TNC: variants seen among roughly 807,000 people sequenced by gnomAD.
TNC encodes tenascin.
In TNC, 109 loss-of-function variants were observed where a neutral mutation model predicts 202.4. The observed-to-expected ratio is 0.54, with a 90% CI of 0.46 to 0.63. The LOEUF is 0.63. Ranked by LOEUF, TNC falls within the 30% of genes least tolerant of loss-of-function variation. The pLI is 0.00. For synonymous variants in TNC, 1,007 were observed against 1,089.7 expected (o/e 0.92, Z 1.50); for missense variants, 2,756 against 2,833.3 (o/e 0.97, Z 0.62).
intron 1 of TNC, among the ~76,000 whole-genome samples, chr9:115,111,544 G>A (rs908683974): frequency 6.6e-6 from 1 of 151,348 alleles, no homozygotes; most frequent in African/African-American, 2.4e-5. Flanking sequence ...GAGTAGCTGG[G>A]ATTACAGGTG....
At chr9:115,098,938 A>ATTTTTTTTTTTTT (rs35624621) in intron 1 of TNC, among the ~76,000 whole-genome samples, 2 of 127,356 alleles carry the variant, frequency 1.6e-5, no homozygotes, top group Non-Finnish European at 3.2e-5. Context: ...TTAAGTGTGT[A>ATTTTTTTTTTTTT]TTTTTTTTTT....
chr9:115,082,602 GA>G, intron 5 of TNC, 89 bp downstream of exon 5: 1 of 887,326 alleles, frequency 1.1e-6, no homozygotes. Context: ...AAAAACTAAG[GA>G]AAATTAGTTG....
In TNC at chr9:115,086,805, T is replaced by A. The variant is rs1221978956; in HGVS notation, c.926A>T (p.Asp309Val). 1.2e-6 allele frequency: 2 copies of A among 1,614,124 alleles called. No homozygotes were observed. The highest frequency in any genetic ancestry group is 4.5e-5 in the East Asian group (2 of 44,888). Residue 309 changes from aspartate (D) to valine (V), a missense_variant, in exon 3 of 28, where the codon GAC (aspartate) becomes GTC (valine). By Grantham distance (152) the Asp-to-Val change is radical (BLOSUM62 -3). Around this residue, in one of 2 missense-constraint regions of TNC, gnomAD observed 2,559 missense variants for 2,546.0 expected, o/e 1.01. Coordinates refer to ENST00000350763, the MANE Select transcript of TNC (RefSeq NM_002160.4). Reference protein sequence around the residue: ...CVCDEGFTGEDCSELICPNDC... With the variant: ...CVCDEGFTGEVCSELICPNDC... The stretch of plus-strand genomic sequence containing the variant: ...ATTGGGGCAGATGAGCTCACTGCAG[T>A]CTTCGCCCGTGAAACCCTCATCACA...
intron 1 of TNC, among the ~76,000 whole-genome samples, chr9:115,114,307 T>C (rs1265034005): frequency 6.6e-6 from 1 of 152,220 alleles, no homozygotes; most frequent in Non-Finnish European, 1.5e-5. Context: ...GTGGCTCAAT[T>C]TGTGGCTCGG....
intron 19 of TNC, among the ~76,000 whole-genome samples, chr9:115,040,400 A>G (rs1830641337): frequency 6.6e-6 from 1 of 152,214 alleles, no homozygotes; most frequent in African/African-American, 2.4e-5. Context: ...TCACCATCAC[A>G]TGCTCATGTG....
At position 115,090,990 on chromosome 9, in the gene TNC, C is replaced by T; in HGVS notation, c.29G>A (p.Gly10Asp). The T allele has an allele frequency of 1.9e-6, 3 of 1,612,856 alleles. No homozygotes were observed. The highest frequency in any genetic ancestry group is 2.5e-6 in the Non-Finnish European group (3 of 1,180,022). ...GAGGGCAAGGAAAGCAAGAAAGACA[C>T]CTGCCAACAGCTGAGTCATGGCCCC... MGAMTQLLA[G>D]VFLAFLALAT... The change falls in exon 2 of 28, where the codon GGT becomes GAT. Residue 10 changes from glycine to aspartate, a missense_variant. Transcript: ENST00000350763.
At chr9:115,049,682 T>C (rs1479731257) in intron 15 of TNC, among the ~76,000 whole-genome samples, 2 of 152,078 alleles carry the variant, frequency 1.3e-5, no homozygotes, top group Admixed American at 1.3e-4. Context: ...AATGCATTTT[T>C]TTTTTTAATC....
Position 115,076,086 on chromosome 9 carries a change from A to G in TNC, c.2896T>C (p.Ser966Pro). 6.2e-7 allele frequency: 1 copy of G among 1,614,196 alleles called. No homozygotes were observed. Among genetic ancestry groups the G allele is most frequent in the Non-Finnish European group, 8.5e-7 (1 of 1,180,032 alleles). The change falls in exon 9 of 28, where the codon TCT becomes CCT. Residue 966 changes from serine (S) to proline (P), a missense_variant. Transcript: ENST00000350763. ...RPGTEYGIGV[S>P]AVKEDKESNP... ...CTCTCCTTGTCTTCCTTCACAGCAG[A>G]AACTCCAATCCCATATTCAGTTCCC...
At chr9:115,062,221 A>G (rs550396850) in intron 13 of TNC, among the ~76,000 whole-genome samples, 22 of 152,340 alleles carry the variant, frequency 1.4e-4, no homozygotes, top group Admixed American at 5.2e-4. Flanking sequence ...GACATTCATT[A>G]ACTTATTTAT....
chr9:115,040,203 G>A (rs1163188027), intron 19 of TNC, among the ~76,000 whole-genome samples: 3 of 152,314 alleles, frequency 2.0e-5, no homozygotes, highest in African/African-American at 2.4e-5. Flanking sequence ...GAGTCAGACC[G>A]ACCTATGTTC....
Position 115,113,693 on chromosome 9 carries a change from T to G in TNC, c.-137+4289A>C, listed in dbSNP as rs1837246234. ...TACCATGGCTATATCATGAAGGACC[T>G]ATGAACTTCAGGAAACTTCAAAATT... On this transcript the variant is annotated intron_variant, in intron 1 of 27. Transcript: ENST00000350763. 2.0e-5 allele frequency among the ~76,000 whole-genome samples: 3 copies of G among 152,336 alleles called. No homozygotes were observed. In the South Asian group the frequency reaches 6.2e-4, roughly 32 times the overall value.
chr9:115,091,775 T>C (rs1385408200), intron 1 of TNC, among the ~76,000 whole-genome samples: 1 of 152,232 alleles, frequency 6.6e-6, no homozygotes, highest in Non-Finnish European at 1.5e-5. Flanking sequence ...CCGAGCTTCT[T>C]ACTAGTTATA....
chr9:115,030,316 C>T lies in TNC; in HGVS notation c.6010G>A (p.Gly2004Ser). ...ACTTCCAGCGCCTCAGCCTTATCAC[C>T]ATTCAGATAAATGGTGTAGAGGCCA... ...TSGLYTIYLN[G>S]DKAEALEVFC... is the part of the protein sequence containing the mutation. The change falls in exon 24 of 28, where the codon GGT (glycine) becomes AGT (serine). Residue 2004 changes from glycine (G) to serine (S), a missense_variant. Coordinates refer to ENST00000350763, the MANE Select transcript of TNC (RefSeq NM_002160.4). 2 of 1,613,938 alleles carry T rather than the reference C, an allele frequency of 1.2e-6. No individual in the cohort carries two copies. Among genetic ancestry groups the T allele is most frequent in the Non-Finnish European group, 1.7e-6 (2 of 1,179,826 alleles).
chr9:115,082,050 A>G (rs1834346919), intron 5 of TNC, 122 bp from the exon 6 acceptor site: 3 of 892,362 alleles, frequency 3.4e-6, no homozygotes, highest in African/African-American at 3.5e-5. Flanking sequence ...TTAGGCACTT[A>G]CTATGCATCA....
intron 10 of TNC, 88 bp downstream of exon 10, chr9:115,073,515 G>C: frequency 6.7e-7 from 1 of 1,492,390 alleles, no homozygotes; most frequent in Non-Finnish European, 9.0e-7. Flanking sequence ...TTTGCATTTG[G>C]CTTTCTCATG....
chr9:115,043,080 CA>C (rs1830892331), intron 17 of TNC, among the ~76,000 whole-genome samples: 1 of 152,160 alleles, frequency 6.6e-6, no homozygotes, highest in African/African-American at 2.4e-5. Flanking sequence ...TACCTCCCCT[CA>C]AAACCCAGTT....
intron 15 of TNC, chr9:115,052,968 T>C (rs1372969373): frequency 1.4e-6 from 1 of 702,688 alleles, no homozygotes; most frequent in Non-Finnish European, 2.6e-6. Context: ...TTGAAGCTTT[T>C]TGGAGTAATA....
intron 6 of TNC, among the ~76,000 whole-genome samples, chr9:115,079,577 C>G (rs762166376): frequency 1.3e-5 from 2 of 152,158 alleles, no homozygotes; most frequent in African/African-American, 2.4e-5. Context: ...ATTTGGGACC[C>G]TTGAATAGCA....
At position 115,025,168 on chromosome 9, in the gene TNC, G is replaced by T. The variant is rs11999240; in HGVS notation, c.6332-1032C>A. ...GAAGCACAAAGAGAGAGGAACAGAG[G>T]CCACATTCCTGCTGCTTAATGAATT... On this transcript the variant is annotated intron_variant, in intron 26 of 27. Transcript: ENST00000350763. Among the ~76,000 whole-genome samples, 1,015 of 152,264 alleles carry T rather than the reference G, an allele frequency of 6.7e-3. 9 individuals carry two copies. Among genetic ancestry groups the T allele is most frequent in the African/African-American group, 0.023 (946 of 41,546 alleles).
Sources: gnomAD v4.1 joint callset for allele counts (sites outside exome capture counted in the v4.1 genomes callset) on GRCh38, gnomAD v4.1.1 for gene constraint, gnomAD v4.1.1 regional missense constraint, MANE v1.5 for transcripts, NCBI Gene and HGNC (gene_info 2026-07-23, HGNC 2026-07-21) for gene names.